The following ARMC8 variants were observed in gnomAD, a reference collection of about 807,000 sequenced individuals.
The protein encoded by ARMC8 is armadillo repeat-containing protein 8.
In ARMC8, 20 loss-of-function variants were observed where a neutral mutation model predicts 99.3. The ratio of observed to expected loss-of-function variants is 0.20; its 90% confidence interval spans 0.14 to 0.29. The LOEUF is 0.29. ARMC8 is among the 10% of genes least tolerant of loss of function. The pLI is 1.00. For missense variants in ARMC8, 569 were observed against 809.5 expected (o/e 0.70, Z 3.60); for synonymous variants, 263 against 278.3 (o/e 0.95, Z 0.55).
chr3:138,270,435 C>T (rs2048682365), intron 16 of ARMC8, among the ~76,000 whole-genome samples: 1 of 152,134 alleles, frequency 6.6e-6, no homozygotes, highest in Admixed American at 6.6e-5. Context: ...TTTTGTGTAG[C>T]GCCACCTACT....
intron 1 of ARMC8, among the ~76,000 whole-genome samples, chr3:138,205,742 A>G (rs916977132): frequency 6.6e-6 from 1 of 152,194 alleles, no homozygotes; most frequent in East Asian, 1.9e-4. Flanking sequence ...ATTTGATATC[A>G]GCCTGGGCAA....
At chr3:138,209,685 CTAAG>C (rs2044587445) in intron 1 of ARMC8, 128 bp from the exon 2 acceptor site, 1 of 708,508 alleles carries the variant, frequency 1.4e-6, no homozygotes, top group Admixed American at 2.7e-5. Flanking sequence ...GGAGGCAAAA[CTAAG>C]TATTTCATAT....
Position 138,244,563 on chromosome 3 carries a change from C to T in ARMC8, c.1039-525C>T, listed in dbSNP as rs191086553. ...AAAGTGCTGGGATTACAGGCGTGAG[C>T]CACCGCGCCCGGCCTCTAAAAGCTT... On this transcript the variant is annotated intron_variant, in intron 11 of 21. Coordinates refer to ENST00000469044, the MANE Select transcript of ARMC8 (RefSeq NM_001363941.2). Among the ~76,000 whole-genome samples, 250 of 152,340 alleles carry T rather than the reference C, an allele frequency of 1.6e-3. 1 individual carries two copies. Among genetic ancestry groups the T allele is most frequent in the Non-Finnish European group, 2.0e-3 (139 of 68,026 alleles).
intron 12 of ARMC8, among the ~76,000 whole-genome samples, chr3:138,250,984 C>CAA (rs144439799): frequency 6.7e-6 from 1 of 150,182 alleles, no homozygotes; most frequent in Non-Finnish European, 1.5e-5. Flanking sequence ...TCCGTCTCTA[C>CAA]AAAAAAAAAT....
At chr3:138,204,730 C>T (rs980435545) in intron 1 of ARMC8, among the ~76,000 whole-genome samples, 26 of 152,190 alleles carry the variant, frequency 1.7e-4, no homozygotes, top group African/African-American at 6.3e-4. Flanking sequence ...CTTGATTTGA[C>T]ATCCTGGATT....
intron 12 of ARMC8, among the ~76,000 whole-genome samples, chr3:138,253,235 A>G (rs1479611838): frequency 6.6e-6 from 1 of 152,164 alleles, no homozygotes; most frequent in Non-Finnish European, 1.5e-5. Context: ...TGTTTGGGAA[A>G]CCATATACAA....
At chr3:138,262,710 C>A (rs1430202698) in intron 12 of ARMC8, 4 of 1,000,188 alleles carry the variant, frequency 4.0e-6, no homozygotes, top group Non-Finnish European at 5.4e-6. Context: ...CCAGGTAATT[C>A]TTCTGCAAGG....
intron 15 of ARMC8, among the ~76,000 whole-genome samples, chr3:138,269,815 T>C (rs959078974): frequency 1.4e-4 from 18 of 130,312 alleles, no homozygotes; most frequent in Non-Finnish European, 2.1e-4. Flanking sequence ...GGTTTTGTTT[T>C]CTTTCTTTTT....
intron 1 of ARMC8, among the ~76,000 whole-genome samples, chr3:138,189,764 C>T (rs910061756): frequency 2.6e-5 from 4 of 152,222 alleles, no homozygotes; most frequent in Admixed American, 6.5e-5. Context: ...CTGATCAGTT[C>T]ACACATCTGC....
chr3:138,295,755 G>T, intron 21 of ARMC8, 104 bp from the exon 22 acceptor site: 3 of 1,343,412 alleles, frequency 2.2e-6, no homozygotes, highest in Non-Finnish European at 2.1e-6. Flanking sequence ...TCCCTCTGGA[G>T]ATTTACTTTT....
intron 21 of ARMC8, among the ~76,000 whole-genome samples, chr3:138,295,316 T>C (rs376284781): frequency 9.2e-5 from 14 of 152,330 alleles, no homozygotes; most frequent in African/African-American, 2.9e-4. Flanking sequence ...CAAGATGAAA[T>C]TGTAGCCTTC....
At chr3:138,252,020 A>G (rs1335726725) in intron 12 of ARMC8, among the ~76,000 whole-genome samples, 1 of 152,240 alleles carries the variant, frequency 6.6e-6, no homozygotes, top group Non-Finnish European at 1.5e-5. Flanking sequence ...TTAAATATGT[A>G]TGGAATAGTA....
intron 12 of ARMC8, among the ~76,000 whole-genome samples, chr3:138,248,620 T>C (rs1232927960): frequency 6.6e-6 from 1 of 152,222 alleles, no homozygotes; most frequent in Non-Finnish European, 1.5e-5. Context: ...TCCTGTAATT[T>C]TGAGATAGAT....
chr3:138,287,255 C>T (rs1023368561), intron 19 of ARMC8, among the ~76,000 whole-genome samples: 3 of 152,190 alleles, frequency 2.0e-5, no homozygotes. Flanking sequence ...CACAATTTGG[C>T]TACACCTACT....
intron 5 of ARMC8, among the ~76,000 whole-genome samples, chr3:138,226,232 G>T (rs2045689273): frequency 6.6e-6 from 1 of 152,126 alleles, no homozygotes; most frequent in Non-Finnish European, 1.5e-5. Flanking sequence ...CTGACCTCGT[G>T]ATCCACCCGC....
In ARMC8 at chr3:138,297,624, CA is replaced by C. The variant is rs1184814843; in HGVS notation, c.*1734del. The C allele has an allele frequency of 1.3e-5, 2 of 152,130 alleles. No homozygotes were observed. The highest frequency in any genetic ancestry group is 2.9e-5 in the Non-Finnish European group (2 of 68,018). 9.4% of individuals were successfully genotyped at this position (152,130 alleles called of 1,614,324 possible). ...TTTTCCTGCTCTCAACATGACCACCCAAGATTCAAACACAGAGACTTCCAAG... is the reference window on the plus strand; with the variant it reads ...TTTTCCTGCTCTCAACATGACCACCCAGATTCAAACACAGAGACTTCCAAG... On this transcript the variant is annotated 3_prime_UTR_variant, in exon 22 of 22. Transcript: ENST00000469044.
At chr3:138,197,411 C>T (rs2043800953) in intron 1 of ARMC8, among the ~76,000 whole-genome samples, 1 of 152,138 alleles carries the variant, frequency 6.6e-6, no homozygotes, top group Non-Finnish European at 1.5e-5. Flanking sequence ...CGAAGGTGTG[C>T]CATGAAAGAT....
Position 138,296,924 on chromosome 3 carries a change from A to G in ARMC8, c.*1032A>G, listed in dbSNP as rs1015318523. The stretch of plus-strand genomic sequence containing the variant: ...ACCAGTCATGGAAACTTGTGCTCAA[A>G]CTAAAAGTAGGTCATCACTTCCCAG... On this transcript the variant is annotated 3_prime_UTR_variant, in exon 22 of 22. Coordinates refer to ENST00000469044, the MANE Select transcript of ARMC8 (RefSeq NM_001363941.2). 5 of 152,180 alleles carry G rather than the reference A, an allele frequency of 3.3e-5. No individual in the cohort carries two copies. The highest frequency in any genetic ancestry group is 7.3e-5 in the Non-Finnish European group (5 of 68,038). The allele number at this position is 152,180 out of a possible 1,614,324, so 9.4% of individuals were successfully genotyped here.
At chr3:138,235,987 T>C (rs1021523683) in intron 7 of ARMC8, among the ~76,000 whole-genome samples, 2 of 152,048 alleles carry the variant, frequency 1.3e-5, no homozygotes, top group African/African-American at 4.8e-5. Context: ...TTCTATATTT[T>C]AGTAGAGACA....
Sources: gnomAD v4.1 joint callset for allele counts (sites outside exome capture counted in the v4.1 genomes callset) on GRCh38, gnomAD v4.1.1 for gene constraint, MANE v1.5 for transcripts, NCBI Gene and HGNC (gene_info 2026-07-23, HGNC 2026-07-21) for gene names.